L3MBTL3: variants seen among roughly 807,000 people sequenced by gnomAD.
L3MBTL3 encodes L3MBTL histone methyl-lysine binding protein 3, also known as lethal(3)malignant brain tumor-like protein 3.
Under a neutral mutation model 102.3 loss-of-function variants are expected in L3MBTL3, and 27 were observed. That is an observed-to-expected ratio of 0.26 (90% CI 0.19 to 0.36). L3MBTL3 has a LOEUF of 0.36. Among genes scored for constraint, L3MBTL3 ranks in the 10% least tolerant of loss-of-function variants. The pLI is 1.00. For missense variants in L3MBTL3, 798 were observed against 955.3 expected (o/e 0.84, Z 2.17); for synonymous variants, 340 against 320.9 (o/e 1.06, Z -0.64).
intron 18 of L3MBTL3, among the ~76,000 whole-genome samples, chr6:130,099,222 G>A (rs1388949376): frequency 6.6e-6 from 1 of 152,076 alleles, no homozygotes; most frequent in African/African-American, 2.4e-5. Flanking sequence ...TTAGAGTAGA[G>A]AACAGTATCA....
Position 130,139,742 on chromosome 6 carries a change from A to G in L3MBTL3, c.2332A>G (p.Asn778Asp). The change falls in exon 23 of 23, where the codon AAT (asparagine) becomes GAT (aspartate). Residue 778 changes from asparagine (N) to aspartate (D), a missense_variant. Asn to Asp is a conservative substitution (Grantham distance 23). Coordinates refer to ENST00000361794, the MANE Select transcript of L3MBTL3 (RefSeq NM_032438.4). Reference protein sequence around the residue: ...MFKAAEKNSHNEL With the variant: ...MFKAAEKNSHDEL ...CAAAGCTGCAGAGAAGAATTCTCAC[A>G]ATGAACTTTGAAGATGGTGAATTCT... 6.2e-7 allele frequency: 1 copy of G among 1,613,148 alleles called. No homozygotes were observed. The highest frequency in any genetic ancestry group is 8.5e-7 in the Non-Finnish European group (1 of 1,179,684).
intron 10 of L3MBTL3, 101 bp from the exon 11 acceptor site, chr6:130,066,252 C>G: frequency 2.7e-6 from 1 of 374,146 alleles, no homozygotes; most frequent in Non-Finnish European, 4.4e-6. Context: ...AACATTAAGA[C>G]TATATCATGC....
At chr6:130,125,248 C>T (rs193097178) in intron 20 of L3MBTL3, among the ~76,000 whole-genome samples, 1 of 152,306 alleles carries the variant, frequency 6.6e-6, no homozygotes, top group Admixed American at 6.5e-5. Flanking sequence ...AAATAGCTCA[C>T]TCAGTCTCTC....
At chr6:130,046,146 A>G (rs1205720169) in intron 3 of L3MBTL3, among the ~76,000 whole-genome samples, 1 of 152,138 alleles carries the variant, frequency 6.6e-6, no homozygotes, top group East Asian at 1.9e-4. Flanking sequence ...TCTGGGTCAT[A>G]ATGTCTTTCG....
At chr6:130,059,913 C>A in intron 9 of L3MBTL3, 123 bp from the exon 10 acceptor site, 1 of 569,522 alleles carries the variant, frequency 1.8e-6, no homozygotes. Flanking sequence ...ATTTCTTTTT[C>A]TTTGGATTTT....
intron 5 of L3MBTL3, among the ~76,000 whole-genome samples, 175 bp downstream of exon 5, chr6:130,050,005 T>A (rs1177809871): frequency 6.6e-6 from 1 of 152,208 alleles, no homozygotes; most frequent in Non-Finnish European, 1.5e-5. Context: ...CATCCCCATA[T>A]CCTGTTACTT....
At chr6:130,051,225 GC>G in intron 5 of L3MBTL3, 23 bp from the exon 6 acceptor site, 27 of 1,583,898 alleles carry the variant, frequency 1.7e-5, no homozygotes, top group Non-Finnish European at 2.3e-5. Context: ...GTTGTAATTT[GC>G]ATTTCTTCTT....
At chr6:130,123,395 C>G (rs1021912630) in intron 20 of L3MBTL3, among the ~76,000 whole-genome samples, 1 of 152,010 alleles carries the variant, frequency 6.6e-6, no homozygotes, top group East Asian at 1.9e-4. Flanking sequence ...ACCTGTAGTT[C>G]AATGTGCATG....
At chr6:130,138,844 A>T (rs765749017) in intron 22 of L3MBTL3, among the ~76,000 whole-genome samples, 2 of 152,178 alleles carry the variant, frequency 1.3e-5, no homozygotes, top group Non-Finnish European at 2.9e-5. Flanking sequence ...AGTAAGCCAG[A>T]CATCATTTTC....
chr6:130,051,588 C>T (rs767106512), intron 6 of L3MBTL3, among the ~76,000 whole-genome samples, 180 bp downstream of exon 6: 4 of 152,208 alleles, frequency 2.6e-5, no homozygotes, highest in Non-Finnish European at 4.4e-5. Flanking sequence ...TGACGTCTGT[C>T]ATGCCTGGTC....
chr6:130,025,641 C>G (rs544678498), intron 2 of L3MBTL3, among the ~76,000 whole-genome samples: 1 of 152,152 alleles, frequency 6.6e-6, no homozygotes, highest in African/African-American at 2.4e-5. Flanking sequence ...TCCTCATAAA[C>G]TGTAGTTTCT....
At chr6:130,028,199 T>A (rs544880659) in intron 2 of L3MBTL3, among the ~76,000 whole-genome samples, 2 of 152,102 alleles carry the variant, frequency 1.3e-5, no homozygotes, top group East Asian at 3.9e-4. Context: ...GGGCAGGAAG[T>A]TGAGATTTTG....
intron 14 of L3MBTL3, among the ~76,000 whole-genome samples, chr6:130,079,095 A>G (rs1202388007): frequency 6.6e-6 from 1 of 152,214 alleles, no homozygotes; most frequent in African/African-American, 2.4e-5. Flanking sequence ...AGAAAAATGG[A>G]TAAGAGGGAC....
intron 12 of L3MBTL3, among the ~76,000 whole-genome samples, chr6:130,070,009 G>T (rs1224156032): frequency 6.6e-6 from 1 of 152,154 alleles, no homozygotes; most frequent in Non-Finnish European, 1.5e-5. Context: ...AATGATAGTT[G>T]TATAATTATA....
At chr6:130,086,290 A>T in intron 16 of L3MBTL3, 40 bp downstream of exon 16, 1 of 1,353,048 alleles carries the variant, frequency 7.4e-7, no homozygotes, top group South Asian at 1.3e-5. Flanking sequence ...GTCTTTTGTT[A>T]TAAGATGTTT....
chr6:130,122,114 TTA>T, intron 20 of L3MBTL3, among the ~76,000 whole-genome samples: 1 of 152,178 alleles, frequency 6.6e-6, no homozygotes, highest in Admixed American at 6.5e-5. Flanking sequence ...ATAACAATAA[TTA>T]TTTATTTTTT....
At chr6:130,053,479 C>CA (rs1781234919) in intron 7 of L3MBTL3, among the ~76,000 whole-genome samples, 1 of 151,798 alleles carries the variant, frequency 6.6e-6, no homozygotes, top group Non-Finnish European at 1.5e-5. Flanking sequence ...ACTAAAAATA[C>CA]AAAAAATTAG....
chr6:130,097,105 TC>T (rs1562307606), intron 18 of L3MBTL3, among the ~76,000 whole-genome samples: 1 of 152,188 alleles, frequency 6.6e-6, no homozygotes, highest in East Asian at 1.9e-4. Context: ...TTTCTTAGAC[TC>T]CCTGACTATG....
chr6:130,121,456 T>C (rs771007884), intron 20 of L3MBTL3, among the ~76,000 whole-genome samples: 5 of 152,262 alleles, frequency 3.3e-5, no homozygotes, highest in South Asian at 2.1e-4. Flanking sequence ...GGTTAACTTA[T>C]TCTTTTTTGC....
Sources: allele counts gnomAD v4.1 joint callset (sites outside exome capture counted in the v4.1 genomes callset), GRCh38; gene constraint gnomAD v4.1.1; transcripts MANE v1.5; gene names NCBI Gene and HGNC (gene_info 2026-07-23, HGNC 2026-07-21).